CFAP299: variants seen among roughly 807,000 people sequenced by gnomAD.
CFAP299 encodes cilia- and flagella-associated protein 299.
In CFAP299, 21 loss-of-function variants were observed where a neutral mutation model predicts 27.0. The observed-to-expected ratio is 0.78, with a 90% CI of 0.55 to 1.12. The LOEUF is 1.12. Among genes scored for constraint, CFAP299 ranks in the 50% most tolerant of loss-of-function variants. The pLI is 0.00. For missense variants in CFAP299, 310 were observed against 276.6 expected (o/e 1.12, Z -0.86); for synonymous variants, 104 against 98.1 (o/e 1.06, Z -0.36).
chr4:80,863,217 TA>T lies in CFAP299; in HGVS notation c.334-6774del, dbSNP rs1301196716. On this transcript the variant is annotated intron_variant, in intron 3 of 5. Transcript: ENST00000358105. ...CTTAGCATGCTTTTTTTTTTTTTTT[TA>T]AGTGACTTTGGCTTCACTGTCAATA... 8.8e-4 allele frequency among the ~76,000 whole-genome samples: 133 copies of T among 151,198 alleles called. 1 individual carries two copies. Among genetic ancestry groups the T allele is most frequent in the African/African-American group, 3.1e-3 (126 of 41,050 alleles).
At chr4:80,387,473 C>T (rs1725077404) in intron 2 of CFAP299, 1 of 819,758 alleles carries the variant, frequency 1.2e-6, no homozygotes, top group Non-Finnish European at 2.1e-6. Context: ...CCGGCTTGCC[C>T]CTTGCTATCG....
intron 2 of CFAP299, among the ~76,000 whole-genome samples, chr4:80,534,316 G>C (rs575453838): frequency 2.8e-3 from 307 of 109,286 alleles, no homozygotes; most frequent in Non-Finnish European, 4.3e-3. Flanking sequence ...TCACTCTGTG[G>C]AAAAAAAAAA....
chr4:80,443,150 A>G (rs901803680), intron 2 of CFAP299, among the ~76,000 whole-genome samples: 2 of 152,180 alleles, frequency 1.3e-5, no homozygotes, highest in African/African-American at 2.4e-5. Context: ...TATTCCAAAC[A>G]ATAGAAAGAG....
chr4:80,610,098 T>A (rs1737889426), intron 3 of CFAP299, among the ~76,000 whole-genome samples: 2 of 151,768 alleles, frequency 1.3e-5, no homozygotes, highest in Admixed American at 1.3e-4. Context: ...TTATGCTTTA[T>A]AAGGTAGTTC....
At chr4:80,771,507 A>ACTAT (rs11281640) in intron 3 of CFAP299, among the ~76,000 whole-genome samples, 3 of 152,080 alleles carry the variant, frequency 2.0e-5, no homozygotes, top group Non-Finnish European at 2.9e-5. Context: ...TATGCATATT[A>ACTAT]CTTCTCAGAT....
chr4:80,845,420 G>A (rs1731129412), intron 3 of CFAP299, among the ~76,000 whole-genome samples: 1 of 151,954 alleles, frequency 6.6e-6, no homozygotes, highest in South Asian at 2.1e-4. Context: ...GAACCCACAT[G>A]GCCTACAGAA....
At chr4:80,528,201 C>A (rs1360114287) in intron 2 of CFAP299, among the ~76,000 whole-genome samples, 2 of 152,018 alleles carry the variant, frequency 1.3e-5, no homozygotes, top group African/African-American at 4.8e-5. Flanking sequence ...GTATTTAATT[C>A]TAATCCTTAT....
At position 80,935,376 on chromosome 4, in the gene CFAP299, T is replaced by C. The variant is rs559338202; in HGVS notation, c.477-9434T>C. Among the ~76,000 whole-genome samples the C allele has an allele frequency of 1.8e-3, 281 of 152,134 alleles. 1 individual carries two copies. Among genetic ancestry groups the C allele is most frequent in the Non-Finnish European group, 3.0e-3 (204 of 67,978 alleles). On this transcript the variant is annotated intron_variant, in intron 4 of 5. Transcript: ENST00000358105. ...GTACAAAAACAGACACATAGACCAA[T>C]GCAACAGAATAGAGAGCTCAGAAGA...
intron 3 of CFAP299, among the ~76,000 whole-genome samples, chr4:80,618,912 T>C (rs1738436409): frequency 6.6e-6 from 1 of 152,066 alleles, no homozygotes; most frequent in African/African-American, 2.4e-5. Context: ...ATAAAAACTT[T>C]GTTTAAAGTA....
At chr4:80,528,204 A>C (rs746348433) in intron 2 of CFAP299, among the ~76,000 whole-genome samples, 5 of 152,002 alleles carry the variant, frequency 3.3e-5, no homozygotes, top group Non-Finnish European at 5.9e-5. Flanking sequence ...TTTAATTCTA[A>C]TCCTTATAAT....
chr4:80,604,397 C>A (rs2109906324), intron 3 of CFAP299, among the ~76,000 whole-genome samples: 1 of 152,220 alleles, frequency 6.6e-6, no homozygotes, highest in East Asian at 1.9e-4. Flanking sequence ...AAAAGTTAGG[C>A]ACTGGTGGGT....
intron 5 of CFAP299, among the ~76,000 whole-genome samples, chr4:80,952,945 G>T (rs535391229): frequency 3.9e-5 from 6 of 152,158 alleles, no homozygotes; most frequent in African/African-American, 4.8e-5. Flanking sequence ...TCTCAAAACG[G>T]AGACCCATAA....
intron 3 of CFAP299, among the ~76,000 whole-genome samples, chr4:80,704,199 G>A (rs1256233559): frequency 6.6e-6 from 1 of 151,552 alleles, no homozygotes; most frequent in African/African-American, 2.4e-5. Flanking sequence ...AGGCTGGAAA[G>A]ATATGATGGA....
intron 3 of CFAP299, among the ~76,000 whole-genome samples, chr4:80,712,674 T>A (rs965772812): frequency 2.0e-5 from 3 of 152,178 alleles, no homozygotes; most frequent in Non-Finnish European, 4.4e-5. Context: ...TAAAGACTTT[T>A]AAAAAAATCA....
intron 3 of CFAP299, among the ~76,000 whole-genome samples, chr4:80,808,721 C>T (rs1303876124): frequency 1.3e-5 from 2 of 152,090 alleles, no homozygotes; most frequent in African/African-American, 4.8e-5. Context: ...ATTTTTCAAG[C>T]ATCTCTTACA....
intron 3 of CFAP299, among the ~76,000 whole-genome samples, chr4:80,694,907 A>G (rs1362843128): frequency 6.6e-6 from 1 of 152,232 alleles, no homozygotes; most frequent in African/African-American, 2.4e-5. Flanking sequence ...CCTCATTTAC[A>G]TGGCTTAGAT....
At chr4:80,426,920 GT>G (rs1307222583) in intron 2 of CFAP299, among the ~76,000 whole-genome samples, 1 of 152,216 alleles carries the variant, frequency 6.6e-6, no homozygotes, top group East Asian at 1.9e-4. Context: ...TTTCTAAATA[GT>G]TTTTGAGTAT....
At chr4:80,634,170 G>C (rs1384901126) in intron 3 of CFAP299, among the ~76,000 whole-genome samples, 3 of 151,880 alleles carry the variant, frequency 2.0e-5, no homozygotes, top group Non-Finnish European at 2.9e-5. Context: ...TTTTAGTAGA[G>C]ATGGGGTTTC....
intron 3 of CFAP299, among the ~76,000 whole-genome samples, chr4:80,777,579 G>A (rs1272745542): frequency 1.3e-5 from 2 of 152,028 alleles, no homozygotes; most frequent in South Asian, 2.1e-4. Context: ...TTACTTCTAC[G>A]CTCTTGGACC....
Sources: allele counts gnomAD v4.1 joint callset (sites outside exome capture counted in the v4.1 genomes callset), GRCh38; gene constraint gnomAD v4.1.1; transcripts MANE v1.5; gene names NCBI Gene and HGNC (gene_info 2026-07-23, HGNC 2026-07-21).